ROBO3: variants seen among roughly 807,000 people sequenced by gnomAD.
ROBO3 encodes roundabout guidance receptor 3.
Under a neutral mutation model 160.5 loss-of-function variants are expected in ROBO3, and 97 were observed. The ratio of observed to expected loss-of-function variants is 0.60; its 90% confidence interval spans 0.51 to 0.72. The LOEUF (loss-of-function observed/expected upper bound fraction) is 0.72. Among genes scored for constraint, ROBO3 ranks in the 30% least tolerant of loss-of-function variants. The pLI is 0.00. For synonymous variants in ROBO3, 780 were observed against 746.2 expected (o/e 1.05, Z -0.74); for missense variants, 1,858 against 1,846.5 (o/e 1.01, Z -0.11).
At position 124,873,422 on chromosome 11, in the gene ROBO3, T is replaced by C. The variant is rs1014295349; in HGVS notation, c.1618+31T>C. ...TTTTTTCTTTCTTCCCTTATTTTGATAATACCTTCCTCCAAACCTGCTTCA... is the reference window on the plus strand; with the variant it reads ...TTTTTTCTTTCTTCCCTTATTTTGACAATACCTTCCTCCAAACCTGCTTCA... On this transcript the variant is annotated intron_variant, in intron 10 of 27. Coordinates refer to ENST00000397801, the MANE Select transcript of ROBO3 (RefSeq NM_022370.4). The surrounding 1 kb of genome is among the most constrained non-coding windows in gnomAD (Gnocchi z 4.5). 6.4e-7 allele frequency: 1 copy of C among 1,569,494 alleles called. No individual in the cohort carries two copies. The highest frequency in any genetic ancestry group is 8.7e-7 in the Non-Finnish European group (1 of 1,148,256).
rs1946317470 is a variant in ROBO3 at position 124,874,163 on chromosome 11, G to A, written c.1878G>A (p.Leu626=). Residue 626 remains leucine (L), a synonymous_variant, in exon 12 of 28, where the codon CTG becomes CTA. Coordinates refer to ENST00000397801, the MANE Select transcript of ROBO3 (RefSeq NM_022370.4). Reference sequence around the variant, plus strand: ...GTCTGCAGCCCAATACCATCTACCTGTTTCTGGTTCGAGCAGTGGGAGCCT... The same window carrying A: ...GTCTGCAGCCCAATACCATCTACCTATTTCTGGTTCGAGCAGTGGGAGCCT... ...VSGLQPNTIY[L]FLVRAVGAWG... 1 of 1,614,008 alleles carries A rather than the reference G, an allele frequency of 6.2e-7. No individual in the cohort carries two copies. Among genetic ancestry groups the A allele is most frequent in the Middle Eastern group, 1.6e-4 (1 of 6,062 alleles).
At position 124,865,697 on chromosome 11, in the gene ROBO3, C is replaced by T. The variant is rs749524398; in HGVS notation, c.120C>T (p.Leu40=). 4 of 1,611,254 alleles carry T rather than the reference C, an allele frequency of 2.5e-6. No homozygotes were observed. In the Admixed American group the frequency reaches 6.7e-5, roughly 27 times the overall value. The change falls in exon 1 of 28, where the codon CTC becomes CTT. Residue 40 remains leucine (L), a synonymous_variant. Coordinates refer to ENST00000397801, the MANE Select transcript of ROBO3 (RefSeq NM_022370.4). This position sits in a 1 kb window ranked among gnomAD's most constrained non-coding sequence, Gnocchi z 5.5. ...GCTTCAACTCCTCGCTGGCGGCGCT[C>T]AACCACACCCTGCTGCCTCCCGGCG... ...LLGFNSSLAA[L]NHTLLPPGDP...
Position 124,880,713 on chromosome 11 carries a change from C to A in ROBO3, c.4149+105C>A, listed in dbSNP as rs572004376. ...TGGGCAAGGGCTTGTGGAGGAGTGT[C>A]AAAAGGAGGGGATCGAGAGGGTGAG... On this transcript the variant is annotated intron_variant, in intron 27 of 27. Transcript: ENST00000397801. 6 of 1,402,020 alleles carry A rather than the reference C, an allele frequency of 4.3e-6. No homozygotes were observed. In the South Asian group the frequency reaches 7.7e-5, roughly 18 times the overall value. The allele number at this position is 1,402,020 out of a possible 1,614,324, so 86.8% of individuals were successfully genotyped here. A position where few individuals can be genotyped will look rare whatever the true frequency, so the allele number is the denominator to read the frequency against.
chr11:124,875,367 C>G, intron 14 of ROBO3, 31 bp downstream of exon 14: 1 of 1,337,978 alleles, frequency 7.5e-7, no homozygotes, highest in Non-Finnish European at 1.0e-6. Context: ...GATGGATGGA[C>G]AAGAGGGAAG....
At chr11:124,868,392 A>C in intron 1 of ROBO3, 1 of 475,928 alleles carries the variant, frequency 2.1e-6, no homozygotes. Context: ...ATGGTCTTTC[A>C]CTGAGCAAGG....
rs1271627272 is a variant in ROBO3 at position 124,873,251 on chromosome 11, AC to A, written c.1537-54del. On this transcript the variant is annotated intron_variant, in intron 9 of 27. Coordinates refer to ENST00000397801, the MANE Select transcript of ROBO3 (RefSeq NM_022370.4). The surrounding 1 kb of genome is among the most constrained non-coding windows in gnomAD (Gnocchi z 4.5). ...TCCCATCCTTCTGCTACCCGCCTCCACCCCCTCACTGGATCTTGCTCCACTC... is the reference window on the plus strand; with the variant it reads ...TCCCATCCTTCTGCTACCCGCCTCCACCCCTCACTGGATCTTGCTCCACTC... 2.0e-6 allele frequency: 3 copies of A among 1,506,346 alleles called. No homozygotes were observed. Among genetic ancestry groups the A allele is most frequent in the Non-Finnish European group, 2.7e-6 (3 of 1,100,470 alleles). The allele number at this position is 1,506,346 out of a possible 1,614,324, so 93.3% of individuals were successfully genotyped here.
At chr11:124,875,060 C>T (rs1323950783) in intron 13 of ROBO3, 51 bp from the exon 14 acceptor site, 3 of 1,530,166 alleles carry the variant, frequency 2.0e-6, no homozygotes, top group Non-Finnish European at 1.8e-6. Context: ...CCTGGAGGGC[C>T]TGTATGGCCC....
rs770227010 is a variant in ROBO3, at chr11:124,878,663, G to A, written c.3400G>A (p.Val1134Ile). ...GCCCAGCTCCAGTGGAGGGTGCCTG[G>A]TCACCCCATCCCGAAGGGAAACCCC... is the stretch of plus-strand genomic sequence containing the variant. ...TEPSSSGGCL[V>I]TPSRRETPSP... The change falls in exon 23 of 28, where the codon GTC becomes ATC. Residue 1134 changes from valine to isoleucine, a missense_variant. Val to Ile is a conservative substitution (Grantham distance 29). Coordinates refer to ENST00000397801, the MANE Select transcript of ROBO3 (RefSeq NM_022370.4). This position sits in a 1 kb window ranked among gnomAD's most constrained non-coding sequence, Gnocchi z 4.3. 1 of 1,613,382 alleles carries A rather than the reference G, an allele frequency of 6.2e-7. No individual in the cohort carries two copies. The highest frequency in any genetic ancestry group is 2.2e-5 in the East Asian group (1 of 44,850).
At position 124,875,125 on chromosome 11, in the gene ROBO3, C is replaced by G. The variant is rs377107889; in HGVS notation, c.2088C>G (p.Val696=). The G allele has an allele frequency of 6.2e-7, 1 of 1,607,492 alleles. No individual in the cohort carries two copies. Among genetic ancestry groups the G allele is most frequent in the Admixed American group, 1.7e-5 (1 of 58,650 alleles). ...LQVSWTVDGP[V]QLVQGFRVSW... ...GTCTCCCACAGGTGGATGGCCCAGT[C>G]CAGCTGGTGCAAGGTTTCCGGGTGT... The change falls in exon 14 of 28, where the codon GTC becomes GTG. Residue 696 remains valine (V), a synonymous_variant. Transcript: ENST00000397801.
At position 124,873,845 on chromosome 11, in the gene ROBO3, T is replaced by A. The variant is rs977490827; in HGVS notation, c.1767T>A (p.Tyr589Ter). Reference sequence around the variant, plus strand: ...AAACTGGGGCTGCAGTCACGTCTTATGTGATAGAGGCCTTCAGGTATGGAG... The same window carrying A: ...AAACTGGGGCTGCAGTCACGTCTTAAGTGATAGAGGCCTTCAGGTATGGAG... Reference protein sequence around the residue: ...NPQTGAAVTSYVIEAFSPAAG... With the variant: ...NPQTGAAVTS Residue 589 changes from tyrosine to a stop codon, truncating the protein, a stop_gained, in exon 11 of 28, where the codon TAT (tyrosine) becomes TAA (stop). Coordinates refer to ENST00000397801, the MANE Select transcript of ROBO3 (RefSeq NM_022370.4). LOFTEE classifies it high-confidence loss of function. The surrounding 1 kb of genome is among the most constrained non-coding windows in gnomAD (Gnocchi z 4.5). The A allele has an allele frequency of 6.2e-7, 1 of 1,613,350 alleles. No individual in the cohort carries two copies. Among genetic ancestry groups the A allele is most frequent in the Non-Finnish European group, 8.5e-7 (1 of 1,179,584 alleles).
Position 124,875,242 on chromosome 11 carries a change from T to C in ROBO3, c.2205T>C (p.Pro735=). Residue 735 remains proline, a synonymous_variant, in exon 14 of 28, where the codon CCT becomes CCC. Coordinates refer to ENST00000397801, the MANE Select transcript of ROBO3 (RefSeq NM_022370.4). ...AAAGTACTGTGCTAAGAGGACTCCC[T>C]CCAGGGACCCAAATCCAGATCAAGG... is the stretch of plus-strand genomic sequence containing the variant. ...SQQSTVLRGL[P]PGTQIQIKVQ... is the part of the protein sequence containing the mutation. 6.2e-7 allele frequency: 1 copy of C among 1,613,594 alleles called. No individual in the cohort carries two copies. Among genetic ancestry groups the C allele is most frequent in the Non-Finnish European group, 8.5e-7 (1 of 1,179,826 alleles).
chr11:124,869,402 T>A lies in ROBO3; in HGVS notation c.488-48T>A, dbSNP rs2135325214. ...CACTTTCCCTGTGTCCTCAGCCAGT[T>A]ATGTCACTCTACACCCTGCTTATTT... On this transcript the variant is annotated intron_variant, in intron 2 of 27. Transcript: ENST00000397801. This position sits in a 1 kb window ranked among gnomAD's most constrained non-coding sequence, Gnocchi z 4.2. 1 of 1,477,648 alleles carries A rather than the reference T, an allele frequency of 6.8e-7. No homozygotes were observed. The highest frequency in any genetic ancestry group is 9.2e-7 in the Non-Finnish European group (1 of 1,081,486). The allele number at this position is 1,477,648 out of a possible 1,614,324, so 91.5% of individuals were successfully genotyped here. A position where few individuals can be genotyped will look rare whatever the true frequency, so the allele number is the denominator to read the frequency against.
At chr11:124,874,023 T>G (rs1158908371) in intron 11 of ROBO3, 47 bp from the exon 12 acceptor site, 1 of 1,610,262 alleles carries the variant, frequency 6.2e-7, no homozygotes, top group Admixed American at 1.7e-5. Flanking sequence ...GTAGGCAGGT[T>G]GGGAGTTCCT....
Position 124,869,492 on chromosome 11 carries a change from T to G in ROBO3, c.530T>G (p.Val177Gly), listed in dbSNP as rs984166349. ...CGGCAGTCTCCTGGAAACGTGGTGGTGGCAGTGGGGGAGCCAGCAGTACTG... is the reference window on the plus strand; with the variant it reads ...CGGCAGTCTCCTGGAAACGTGGTGGGGGCAGTGGGGGAGCCAGCAGTACTG... ...DFRQSPGNVV[V>G]AVGEPAVLEC... The change falls in exon 3 of 28, where the codon GTG (valine) becomes GGG (glycine). Residue 177 changes from valine (V) to glycine (G), a missense_variant. Val to Gly is a moderately radical substitution (Grantham distance 109). Transcript: ENST00000397801. This position sits in a 1 kb window ranked among gnomAD's most constrained non-coding sequence, Gnocchi z 4.2. 1 of 1,437,012 alleles carries G rather than the reference T, an allele frequency of 7.0e-7. No homozygotes were observed. 89.0% of individuals were successfully genotyped at this position (1,437,012 alleles called of 1,614,324 possible). A position where few individuals can be genotyped will look rare whatever the true frequency, so the allele number is the denominator to read the frequency against.
rs1012801090 is a variant in ROBO3, at chr11:124,870,162, T to C, written c.767-3T>C. On this transcript the variant is annotated splice_polypyrimidine_tract_variant and splice_region_variant and intron_variant, in intron 4 of 27. Coordinates refer to ENST00000397801, the MANE Select transcript of ROBO3 (RefSeq NM_022370.4). ...TGACTGTTCACTCACTACCACTCCA[T>C]AGAGCGTCCCTCATTCCTGCGCAGA... 7.4e-6 allele frequency: 12 copies of C among 1,613,896 alleles called. No individual in the cohort carries two copies. In the East Asian group the frequency reaches 8.9e-5, roughly 12 times the overall value.
chr11:124,868,740 G>A, intron 1 of ROBO3, 62 bp from the exon 2 acceptor site: 2 of 1,481,350 alleles, frequency 1.4e-6, no homozygotes, highest in Non-Finnish European at 1.8e-6. Flanking sequence ...TTTCCCTCTG[G>A]AGCCTCAATC....
chr11:124,877,358 C>T (rs749300383), intron 19 of ROBO3, 49 bp downstream of exon 19: 1 of 1,609,844 alleles, frequency 6.2e-7, no homozygotes, highest in Admixed American at 1.7e-5. Context: ...CGACAGGCCA[C>T]TCTTCTTCCG....
rs753532008 is a variant in ROBO3 at position 124,875,567 on chromosome 11, C to T, written c.2303C>T (p.Pro768Leu). ...SVTRSIPEEA[P>L]SGPPQGVAVA... ...ACCATGCTCCACCCTGGCCCAGCCC[C>T]CAGTGGCCCCCCACAGGGAGTGGCG... The change falls in exon 15 of 28, where the codon CCC (proline) becomes CTC (leucine). Residue 768 changes from proline to leucine, a missense_variant. By Grantham distance (98) the Pro-to-Leu change is moderately conservative. Coordinates refer to ENST00000397801, the MANE Select transcript of ROBO3 (RefSeq NM_022370.4). 1 of 1,611,708 alleles carries T rather than the reference C, an allele frequency of 6.2e-7. No homozygotes were observed. The highest frequency in any genetic ancestry group is 1.1e-5 in the South Asian group (1 of 90,782).
chr11:124,881,314 C>A lies in ROBO3; in HGVS notation c.*64C>A, dbSNP rs761468358. The A allele has an allele frequency of 4.9e-5, 74 of 1,523,550 alleles. No homozygotes were observed. Among genetic ancestry groups the A allele is most frequent in the Non-Finnish European group, 6.5e-5 (72 of 1,115,782 alleles). The allele number at this position is 1,523,550 out of a possible 1,614,324, so 94.4% of individuals were successfully genotyped here. Reference sequence around the variant, plus strand: ...GGAAGGGGAGTAGGGATGTCTTTTCCCCCCCAGCAGTGATGAGTGGGGCTA... The same window carrying A: ...GGAAGGGGAGTAGGGATGTCTTTTCACCCCCAGCAGTGATGAGTGGGGCTA... On this transcript the variant is annotated 3_prime_UTR_variant, in exon 28 of 28. Transcript: ENST00000397801.
Sources: allele counts gnomAD v4.1 joint callset, GRCh38; gene constraint gnomAD v4.1.1; non-coding constraint Gnocchi (gnomAD v3.1); transcripts MANE v1.5; gene names NCBI Gene and HGNC (gene_info 2026-07-23, HGNC 2026-07-21).